PDE4D: variants seen among roughly 807,000 people sequenced by gnomAD.
PDE4D encodes the protein 3',5'-cyclic-AMP phosphodiesterase 4D.
In PDE4D, 24 loss-of-function variants were observed where a neutral mutation model predicts 87.4. That is an observed-to-expected ratio of 0.27 (90% confidence interval 0.20 to 0.39). The LOEUF is 0.39. Among genes scored for constraint, PDE4D ranks in the 10% least tolerant of loss-of-function variants. The pLI is 1.00. For synonymous variants in PDE4D, 384 were observed against 383.2 expected (o/e 1.00, Z -0.02); for missense variants, 714 against 1,041.0 (o/e 0.69, Z 4.32).
In PDE4D at chr5:60,104,931, T is replaced by A. The variant is rs141092635; in HGVS notation, c.42+80626A>T. Among the ~76,000 whole-genome samples the A allele has an allele frequency of 8.5e-3, 1,290 of 152,170 alleles. 14 individuals carry two copies. Among genetic ancestry groups the A allele is most frequent in the African/African-American group, 0.029 (1,192 of 41,506 alleles). On this transcript the variant is annotated intron_variant, in intron 2 of 16. Coordinates refer to the PDE4D transcript ENST00000502484. Reference sequence around the variant, plus strand: ...ATGGGGAAAATCAGAGCAGAAAAACTGGAAACTCTAAACAGCAGAGCCCCT... The same window carrying A: ...ATGGGGAAAATCAGAGCAGAAAAACAGGAAACTCTAAACAGCAGAGCCCCT...
chr5:60,466,067 G>A (rs1747329123), intron 1 of PDE4D, among the ~76,000 whole-genome samples: 1 of 152,136 alleles, frequency 6.6e-6, no homozygotes, highest in Non-Finnish European at 1.5e-5. Flanking sequence ...GAAACTCTAG[G>A]AACAAATGGC....
At chr5:59,670,178 T>C (rs1746958235) in intron 1 of PDE4D, among the ~76,000 whole-genome samples, 1 of 152,156 alleles carries the variant, frequency 6.6e-6, no homozygotes, top group South Asian at 2.1e-4. Flanking sequence ...TAATAATATA[T>C]CTAATTCAGA....
chr5:59,891,115 A>G (rs1750890533), intron 1 of PDE4D, among the ~76,000 whole-genome samples: 1 of 152,254 alleles, frequency 6.6e-6, no homozygotes, highest in African/African-American at 2.4e-5. Flanking sequence ...GCAGCTACAT[A>G]TAAATATTAT....
chr5:59,008,330 T>C (rs1752067600), intron 6 of PDE4D, among the ~76,000 whole-genome samples: 1 of 152,040 alleles, frequency 6.6e-6, no homozygotes, highest in South Asian at 2.1e-4. Context: ...TGGTATGCTT[T>C]GTGGAAACAA....
At chr5:59,448,956 C>CA (rs1798748247) in intron 1 of PDE4D, among the ~76,000 whole-genome samples, 1 of 152,064 alleles carries the variant, frequency 6.6e-6, no homozygotes, top group Non-Finnish European at 1.5e-5. Context: ...TCAACAACAA[C>CA]AAAAAACTGC....
intron 2 of PDE4D, among the ~76,000 whole-genome samples, chr5:60,029,851 G>C (rs550461377): frequency 2.6e-4 from 39 of 152,222 alleles, no homozygotes; most frequent in African/African-American, 8.4e-4. Context: ...GGTAAATGGA[G>C]TGAGTTGTGG....
intron 5 of PDE4D, among the ~76,000 whole-genome samples, chr5:59,099,665 G>A (rs941520480): frequency 1.3e-5 from 2 of 152,176 alleles, no homozygotes; most frequent in East Asian, 3.9e-4. Context: ...TTATGGTGGT[G>A]GCTTTTTAAA....
At chr5:59,692,555 C>T (rs1751141999) in intron 1 of PDE4D, among the ~76,000 whole-genome samples, 1 of 152,110 alleles carries the variant, frequency 6.6e-6, no homozygotes, top group African/African-American at 2.4e-5. Flanking sequence ...ATTAAGCACA[C>T]ACCTCAGGTA....
intron 1 of PDE4D, among the ~76,000 whole-genome samples, chr5:59,848,253 ACTTAT>A (rs1216496058): frequency 6.6e-6 from 1 of 152,178 alleles, no homozygotes; most frequent in South Asian, 2.1e-4. Flanking sequence ...TAATGCTTGT[ACTTAT>A]CTTGTTTATT....
chr5:59,557,437 C>T (rs540652247), intron 1 of PDE4D, among the ~76,000 whole-genome samples: 3 of 151,922 alleles, frequency 2.0e-5, no homozygotes, highest in South Asian at 4.2e-4. Flanking sequence ...ATATGCCACC[C>T]CTGCCGCCAT....
At chr5:60,246,284 G>A (rs369683361) in intron 1 of PDE4D, among the ~76,000 whole-genome samples, 8 of 151,236 alleles carry the variant, frequency 5.3e-5, no homozygotes, top group Non-Finnish European at 7.4e-5. Flanking sequence ...TTGTTTAGAC[G>A]TGTGTTGATT....
chr5:60,068,003 C>T (rs957774821), intron 2 of PDE4D, among the ~76,000 whole-genome samples: 2 of 152,132 alleles, frequency 1.3e-5, no homozygotes, highest in Admixed American at 6.6e-5. Flanking sequence ...TAAATCTTAA[C>T]TATTGTGAAT....
intron 1 of PDE4D, among the ~76,000 whole-genome samples, chr5:60,438,961 C>A (rs983071936): frequency 6.6e-6 from 1 of 152,012 alleles, no homozygotes. Context: ...TTTTGTCCTA[C>A]GGATATACTT....
At chr5:59,964,466 T>G (rs1274193868) in intron 3 of PDE4D, among the ~76,000 whole-genome samples, 1 of 152,142 alleles carries the variant, frequency 6.6e-6, no homozygotes, top group Non-Finnish European at 1.5e-5. Flanking sequence ...GCTTCTTCAC[T>G]CAGTGTTCTA....
chr5:59,258,223 A>G (rs1195019186), intron 1 of PDE4D, among the ~76,000 whole-genome samples: 1 of 151,928 alleles, frequency 6.6e-6, no homozygotes, highest in African/African-American at 2.4e-5. Context: ...TGACCACTCC[A>G]ACTAAAGTAC....
intron 1 of PDE4D, among the ~76,000 whole-genome samples, chr5:59,319,846 A>T (rs903066988): frequency 6.6e-6 from 1 of 151,854 alleles, no homozygotes; most frequent in African/African-American, 2.4e-5. Flanking sequence ...AAAAATTTCC[A>T]TATGAGGAGA....
chr5:60,201,067 C>T (rs1741842855), intron 1 of PDE4D, among the ~76,000 whole-genome samples: 1 of 145,774 alleles, frequency 6.9e-6, no homozygotes, highest in Admixed American at 6.8e-5. Flanking sequence ...CTACCACCAC[C>T]CTCAGTTGCC....
intron 1 of PDE4D, among the ~76,000 whole-genome samples, chr5:59,793,069 T>C (rs1766005146): frequency 6.6e-6 from 1 of 152,038 alleles, no homozygotes; most frequent in Non-Finnish European, 1.5e-5. Context: ...GTCCGATAGG[T>C]AGGAAATCAG....
At chr5:60,357,434 C>A (rs529045822) in intron 1 of PDE4D, among the ~76,000 whole-genome samples, 2 of 152,196 alleles carry the variant, frequency 1.3e-5, no homozygotes, top group African/African-American at 2.4e-5. Flanking sequence ...TATGAATAAA[C>A]CATGCCATGC....
Sources: allele counts gnomAD v4.1 joint callset (sites outside exome capture counted in the v4.1 genomes callset), GRCh38; gene constraint gnomAD v4.1.1; transcripts MANE v1.5; gene names NCBI Gene and HGNC (gene_info 2026-07-23, HGNC 2026-07-21).